Variants in RBPJ observed in about 807,000 individuals in gnomAD.
The protein encoded by RBPJ is recombining binding protein suppressor of hairless.
In RBPJ, 9 loss-of-function variants were observed where a neutral mutation model predicts 67.8. That is an observed-to-expected ratio of 0.13 (90% CI 0.08 to 0.23). RBPJ has a LOEUF of 0.23. Ranked by LOEUF, RBPJ falls within the 10% of genes least tolerant of loss-of-function variation. RBPJ has a pLI of 1.00. For missense variants in RBPJ, 305 were observed against 595.6 expected (o/e 0.51, Z 5.08); for synonymous variants, 198 against 203.3 (o/e 0.97, Z 0.22).
At chr4:26,212,432 CTTTTTTTTTTT>C (rs370447105) in intron 1 of RBPJ, among the ~76,000 whole-genome samples, 2 of 112,234 alleles carry the variant, frequency 1.8e-5, no homozygotes, top group Admixed American at 2.0e-4. Context: ...CTTTTCTTTT[CTTTTTTTTTTT>C]TTTTTTTTTT....
At chr4:26,362,538 C>T (rs1197263865) in intron 1 of RBPJ, 2 of 1,602,508 alleles carry the variant, frequency 1.2e-6, no homozygotes, top group Non-Finnish European at 1.7e-6. Context: ...GATACAGATA[C>T]ACTGGCTGAG....
At chr4:26,294,988 G>T (rs142293057) in intron 1 of RBPJ, among the ~76,000 whole-genome samples, 43 of 152,278 alleles carry the variant, frequency 2.8e-4, no homozygotes, top group African/African-American at 9.6e-4. Context: ...GATAAACCGT[G>T]AACCCCTGGA....
At chr4:26,296,367 G>C (rs765491847) in intron 1 of RBPJ, among the ~76,000 whole-genome samples, 1 of 152,136 alleles carries the variant, frequency 6.6e-6, no homozygotes, top group African/African-American at 2.4e-5. Context: ...GAATGTAGCT[G>C]CTGAGCATAA....
At chr4:26,266,168 C>A (rs557806518) in intron 1 of RBPJ, among the ~76,000 whole-genome samples, 1 of 152,278 alleles carries the variant, frequency 6.6e-6, no homozygotes, top group South Asian at 2.1e-4. Flanking sequence ...CCTGCCACAT[C>A]CTATTCCCTG....
In RBPJ at chr4:26,430,209, C is replaced by T; in HGVS notation, c.1044+156C>T. 2 of 946,692 alleles carry T rather than the reference C, an allele frequency of 2.1e-6. No individual in the cohort carries two copies. The highest frequency in any genetic ancestry group is 1.6e-6 in the Non-Finnish European group (1 of 627,692). The allele number at this position is 946,692 out of a possible 1,614,324, so 58.6% of individuals were successfully genotyped here. On this transcript the variant is annotated intron_variant, in intron 9 of 10. Coordinates refer to ENST00000355476, the MANE Select transcript of RBPJ (RefSeq NM_015874.6). The surrounding 1 kb of genome is among the most constrained non-coding windows in gnomAD (Gnocchi z 4.1). The stretch of plus-strand genomic sequence containing the variant: ...ATTTGTTGATTTAAAGAAAAAAAAA[C>T]AAAATTAGGAGGAGCGTACTTGCCA...
intron 1 of RBPJ, among the ~76,000 whole-genome samples, chr4:26,228,043 A>G (rs1719140741): frequency 6.6e-6 from 1 of 152,180 alleles, no homozygotes; most frequent in South Asian, 2.1e-4. Context: ...TGCTGCGGCA[A>G]GTCACTAGGA....
the RBPJ span, among the ~76,000 whole-genome samples, chr4:26,138,042 T>C: frequency 4.5e-4 from 65 of 143,612 alleles, no homozygotes; most frequent in South Asian, 4.5e-3. Flanking sequence ...CCTTAGACCA[T>C]AGAAGGTCTG....
rs1162872660 is a variant in RBPJ, at chr4:26,270,436, AGAAGAAAG to A, written c.-166-92009_-166-92002del. ...AAGAAAGAAAGAAAGAAAGAAAGAA[AGAAGAAAG>A]AAAGAAAGAAAGAAAAGAAAAGGAA... is the stretch of plus-strand genomic sequence containing the variant. On this transcript the variant is annotated intron_variant, in intron 1 of 4. Transcript: ENST00000512351. 4.1e-5 allele frequency among the ~76,000 whole-genome samples: 2 copies of A among 48,240 alleles called. 1 individual carries two copies. The highest frequency in any genetic ancestry group is 1.1e-4 in the African/African-American group (2 of 17,704). The allele number at this position is 48,240 out of a possible 152,430, so 31.6% of individuals were successfully genotyped here.
chr4:26,431,177 G>T lies in RBPJ; in HGVS notation c.*170G>T. On this transcript the variant is annotated 3_prime_UTR_variant, in exon 11 of 11. Transcript: ENST00000355476. ...GCAAGTGCTGATTTGAAATGCAGAA[G>T]CCACAGTAAAAAAAAAAAAAAAAAA... 1 of 86,268 alleles carries T rather than the reference G, an allele frequency of 1.2e-5. No individual in the cohort carries two copies. The highest frequency in any genetic ancestry group is 2.1e-5 in the Non-Finnish European group (1 of 48,182). 5.3% of individuals were successfully genotyped at this position (86,268 alleles called of 1,614,324 possible).
At chr4:26,204,267 C>T (rs942766653) in intron 1 of RBPJ, among the ~76,000 whole-genome samples, 5 of 152,010 alleles carry the variant, frequency 3.3e-5, no homozygotes, top group Non-Finnish European at 5.9e-5. Flanking sequence ...GATTTTTTTT[C>T]TTTAATGTGA....
At chr4:26,161,029 G>C (rs191340583), upstream of RBPJ, among the ~76,000 whole-genome samples, 1 of 152,244 alleles carries the variant, frequency 6.6e-6, no homozygotes, top group East Asian at 1.9e-4. Flanking sequence ...CTGCCAAGAG[G>C]CAGAGGTTAT....
intron 1 of RBPJ, among the ~76,000 whole-genome samples, chr4:26,174,698 G>A (rs1239134936): frequency 2.0e-5 from 3 of 152,104 alleles, no homozygotes; most frequent in Non-Finnish European, 4.4e-5. Flanking sequence ...TCGAACTCCT[G>A]ACCTCAGGTG....
rs1736290637 is a variant in RBPJ, at chr4:26,432,100, A to C, written c.*1093A>C. 6.6e-6 allele frequency: 1 copy of C among 152,184 alleles called. No individual in the cohort carries two copies. The highest frequency in any genetic ancestry group is 1.5e-5 in the Non-Finnish European group (1 of 68,028). 9.4% of individuals were successfully genotyped at this position (152,184 alleles called of 1,614,324 possible). ...AACTTGGAATGTTCCCAGTGATTTC[A>C]TTCAGCAGGGTATTTTCTGCCTTGT... On this transcript the variant is annotated 3_prime_UTR_variant, in exon 11 of 11. Transcript: ENST00000355476.
intron 1 of RBPJ, among the ~76,000 whole-genome samples, chr4:26,192,877 T>C (rs865786525): frequency 1.1e-4 from 16 of 152,228 alleles, no homozygotes; most frequent in African/African-American, 3.6e-4. Context: ...AAAGGGACTT[T>C]GCAGGTGTGA....
the RBPJ span, among the ~76,000 whole-genome samples, chr4:26,129,602 C>A: frequency 6.6e-6 from 1 of 152,150 alleles, no homozygotes; most frequent in African/African-American, 2.4e-5. Context: ...ACTTACTGTC[C>A]CTTACAACTC....
chr4:26,330,720 T>G (rs1367688187), intron 1 of RBPJ, among the ~76,000 whole-genome samples: 1 of 152,222 alleles, frequency 6.6e-6, no homozygotes, highest in East Asian at 1.9e-4. Context: ...TTTGTTGTTA[T>G]GACTGCGTAA....
chr4:26,306,255 A>C (rs2109303590), intron 1 of RBPJ, among the ~76,000 whole-genome samples: 1 of 152,126 alleles, frequency 6.6e-6, no homozygotes, highest in African/African-American at 2.4e-5. Context: ...AATTGGTGAG[A>C]GTGGAAATTC....
rs143121876 is a variant in RBPJ at position 26,202,368 on chromosome 4, G to C, written c.-167+38754G>C. On this transcript the variant is annotated intron_variant, in intron 1 of 4. Transcript: ENST00000512351. ...TAGCCTAAGCAAACAGTGGCAATAG[G>C]CTGCCTACTTGACACCTCCACTTAC... 1.6e-3 allele frequency among the ~76,000 whole-genome samples: 245 copies of C among 151,846 alleles called. 1 individual carries two copies. Among genetic ancestry groups the C allele is most frequent in the African/African-American group, 5.1e-3 (213 of 41,416 alleles).
upstream of RBPJ, among the ~76,000 whole-genome samples, chr4:26,158,523 G>C (rs963224660): frequency 5.9e-5 from 9 of 152,336 alleles, no homozygotes; most frequent in African/African-American, 2.2e-4. Context: ...AAGGGAGTCA[G>C]TAAGTATGCT....
Sources: gnomAD v4.1 joint callset for allele counts (sites outside exome capture counted in the v4.1 genomes callset) on GRCh38, gnomAD v4.1.1 for gene constraint, Gnocchi (gnomAD v3.1) non-coding constraint, MANE v1.5 for transcripts, NCBI Gene and HGNC (gene_info 2026-07-23, HGNC 2026-07-21) for gene names.